Variants in DENND5A observed in about 807,000 individuals in gnomAD.
DENND5A encodes DENN domain-containing protein 5A.
A neutral mutation model predicts 140.3 loss-of-function variants in DENND5A; 64 were observed. The observed-to-expected ratio is 0.46, with a 90% CI of 0.37 to 0.56. The LOEUF is 0.56. Ranked by LOEUF, DENND5A falls within the 20% of genes least tolerant of loss-of-function variation. The pLI is 0.00. For synonymous variants in DENND5A, 605 were observed against 607.7 expected (o/e 1.00, Z 0.07); for missense variants, 1,292 against 1,593.8 (o/e 0.81, Z 3.22).
At chr11:9,195,153 G>T (rs1485059373) in intron 4 of DENND5A, among the ~76,000 whole-genome samples, 1 of 145,064 alleles carries the variant, frequency 6.9e-6, no homozygotes, top group African/African-American at 2.6e-5. Flanking sequence ...CACAATCTCA[G>T]CTCCACAACC....
At chr11:9,259,496 G>A (rs1335851050) in intron 1 of DENND5A, among the ~76,000 whole-genome samples, 1 of 152,060 alleles carries the variant, frequency 6.6e-6, no homozygotes. Flanking sequence ...AACCCGGGAG[G>A]CGGAGTTTGC....
chr11:9,211,311 T>C (rs1261567000), intron 1 of DENND5A, among the ~76,000 whole-genome samples: 3 of 151,996 alleles, frequency 2.0e-5, no homozygotes, highest in East Asian at 3.9e-4. Context: ...GGCTGATCCC[T>C]GAAACACGCA....
rs190480051 is a variant in DENND5A at position 9,159,326 on chromosome 11, T to C, written c.2436+1387A>G. ...GCTGCTATGAACTTTTTTTTCTTTT[T>C]TTTTTTTTTTTGAGACAGAGTTTCA... On this transcript the variant is annotated intron_variant, in intron 12 of 22. Transcript: ENST00000328194. Among the ~76,000 whole-genome samples, 458 of 151,372 alleles carry C rather than the reference T, an allele frequency of 3.0e-3. 2 individuals are homozygous for C. Among genetic ancestry groups the C allele is most frequent in the African/African-American group, 0.01 (431 of 41,340 alleles).
chr11:9,234,592 G>A (rs189654513), intron 1 of DENND5A, among the ~76,000 whole-genome samples: 2 of 152,170 alleles, frequency 1.3e-5, no homozygotes, highest in Admixed American at 6.5e-5. Context: ...TGACATGTTC[G>A]CGATGGCCCT....
intron 4 of DENND5A, 33 bp from the exon 5 acceptor site, chr11:9,193,714 C>A (rs1455516278): frequency 1.9e-6 from 3 of 1,557,940 alleles, no homozygotes; most frequent in Admixed American, 4.0e-5. Flanking sequence ...AGCACACACA[C>A]AAATCAGTCA....
chr11:9,163,559 C>T (rs1156639661), intron 11 of DENND5A, among the ~76,000 whole-genome samples: 1 of 152,110 alleles, frequency 6.6e-6, no homozygotes, highest in Non-Finnish European at 1.5e-5. Context: ...AATCCCAGCA[C>T]TTTGGAGGCC....
At chr11:9,249,545 T>C (rs1457679668) in intron 1 of DENND5A, among the ~76,000 whole-genome samples, 3 of 151,982 alleles carry the variant, frequency 2.0e-5, no homozygotes, top group Non-Finnish European at 4.4e-5. Flanking sequence ...TTTATTTTAT[T>C]GTATTTTATT....
intron 22 of DENND5A, among the ~76,000 whole-genome samples, chr11:9,140,853 A>G (rs778857116): frequency 3.3e-5 from 5 of 152,188 alleles, no homozygotes; most frequent in Non-Finnish European, 7.3e-5. Flanking sequence ...TTGGCCAGGC[A>G]TGGTGGCTCA....
At chr11:9,142,663 G>T in intron 21 of DENND5A, 59 bp downstream of exon 21, 1 of 1,605,378 alleles carries the variant, frequency 6.2e-7, no homozygotes, top group Non-Finnish European at 8.5e-7. Context: ...ATGCTATGCT[G>T]GTGAGTCCCC....
chr11:9,145,899 G>GCTGGCACAA, intron 16 of DENND5A, 84 bp from the exon 17 acceptor site: 1 of 1,476,958 alleles, frequency 6.8e-7, no homozygotes, highest in South Asian at 1.2e-5. Context: ...CTCCAGGAAG[G>GCTGGCACAA]CTGGCACAAC....
At chr11:9,164,064 T>G (rs1183966649) in intron 11 of DENND5A, among the ~76,000 whole-genome samples, 1,557 of 82,408 alleles carry the variant, frequency 0.019, 69 homozygotes, top group African/African-American at 0.068. Context: ...AGGTTTTTTT[T>G]TTTTTTTTTT....
At chr11:9,187,487 C>T (rs1037546104) in intron 5 of DENND5A, among the ~76,000 whole-genome samples, 15 of 152,188 alleles carry the variant, frequency 9.9e-5, no homozygotes, top group African/African-American at 3.6e-4. Flanking sequence ...TCACAATGAT[C>T]TTTCCCAATG....
At chr11:9,220,614 G>A (rs115282015) in intron 1 of DENND5A, among the ~76,000 whole-genome samples, 3,337 of 151,254 alleles carry the variant, frequency 0.022, 119 homozygotes, top group African/African-American at 0.076. Flanking sequence ...AATACCGGCC[G>A]GGCACAGGTG....
Position 9,140,111 on chromosome 11 carries a change from T to G in DENND5A, c.3681-257A>C, listed in dbSNP as rs1411795968. ...CCCCTGCCTCCCTCGCCCTGCCTAG[T>G]CAGCCCCACCACTGGTGTCTCCCAG... On this transcript the variant is annotated intron_variant, in intron 22 of 22. Transcript: ENST00000328194. 24 of 1,410,184 alleles carry G rather than the reference T, an allele frequency of 1.7e-5. No individual in the cohort carries two copies. In the South Asian group the frequency reaches 2.8e-4, roughly 17 times the overall value. 87.4% of individuals were successfully genotyped at this position (1,410,184 alleles called of 1,614,324 possible).
intron 1 of DENND5A, among the ~76,000 whole-genome samples, chr11:9,232,856 G>C (rs566662691): frequency 6.6e-6 from 1 of 152,186 alleles, no homozygotes; most frequent in South Asian, 2.1e-4. Flanking sequence ...GATAAGGTGT[G>C]GTAAAGTCAC....
Position 9,244,086 on chromosome 11 carries a change from C to T in DENND5A, c.109+20875G>A, listed in dbSNP as rs552712062. Among the ~76,000 whole-genome samples, 125 of 152,254 alleles carry T rather than the reference C, an allele frequency of 8.2e-4. 2 individuals are homozygous for T. The South Asian group carries it at 0.024, about 29-fold the overall frequency. Reference sequence around the variant, plus strand: ...TCAAAAGTTACTTGTGGATTTTCTGCTACACAGAGAATTAGTGCCCCTAAC... The same window carrying T: ...TCAAAAGTTACTTGTGGATTTTCTGTTACACAGAGAATTAGTGCCCCTAAC... On this transcript the variant is annotated intron_variant, in intron 1 of 22. Coordinates refer to ENST00000328194, the MANE Select transcript of DENND5A (RefSeq NM_015213.4).
chr11:9,176,668 GAGA>G (rs775249749), intron 8 of DENND5A: 41 of 258,814 alleles, frequency 1.6e-4, no homozygotes, highest in Non-Finnish European at 2.7e-4. Flanking sequence ...CACAGGAACA[GAGA>G]AGAAGAATCA....
chr11:9,236,746 G>A (rs72859690), intron 1 of DENND5A, among the ~76,000 whole-genome samples: 93,809 of 150,914 alleles, frequency 0.62, 29,742 homozygotes, highest in African/African-American at 0.73. Flanking sequence ...AGATGAAAAG[G>A]AAGAGAGAGT....
chr11:9,251,597 A>G (rs542283337), intron 1 of DENND5A, among the ~76,000 whole-genome samples: 2 of 152,306 alleles, frequency 1.3e-5, no homozygotes, highest in African/African-American at 4.8e-5. Flanking sequence ...ACCACTCATA[A>G]GACTCAGCCC....
Sources: allele counts gnomAD v4.1 joint callset (sites outside exome capture counted in the v4.1 genomes callset), GRCh38; gene constraint gnomAD v4.1.1; transcripts MANE v1.5; gene names NCBI Gene and HGNC (gene_info 2026-07-23, HGNC 2026-07-21).